RFT1: variants seen among roughly 807,000 people sequenced by gnomAD.
RFT1 encodes RFT1 glycolipid translocator homolog.
Under a neutral mutation model 62.2 loss-of-function variants are expected in RFT1, and 43 were observed. The observed-to-expected ratio is 0.69, with a 90% confidence interval of 0.54 to 0.89. RFT1 has a LOEUF of 0.89. RFT1 is among the 40% of genes least tolerant of loss of function. The pLI, the probability that RFT1 is intolerant of heterozygous loss-of-function variation, is 0.00. For synonymous variants in RFT1, 262 were observed against 264.6 expected (o/e 0.99, Z 0.10); for missense variants, 605 against 649.9 (o/e 0.93, Z 0.75).
chr3:53,099,522 A>T, intron 10 of RFT1, 36 bp from the exon 11 acceptor site: 1 of 1,533,940 alleles, frequency 6.5e-7, no homozygotes, highest in Non-Finnish European at 9.0e-7. Context: ...TCCAGAGCCC[A>T]ATCAGAAGGC....
At chr3:53,121,548 G>C in intron 5 of RFT1, 151 bp downstream of exon 5, 1 of 684,626 alleles carries the variant, frequency 1.5e-6, no homozygotes, top group South Asian at 1.6e-5. Flanking sequence ...CTGGCAGCTA[G>C]AGAAGCAGTG....
chr3:53,083,876 T>C (rs1700805572), downstream of RFT1, among the ~76,000 whole-genome samples: 1 of 152,220 alleles, frequency 6.6e-6, no homozygotes, highest in African/African-American at 2.4e-5. Flanking sequence ...TCAGAAGCCA[T>C]GTGGGGAAGA....
chr3:53,091,736 G>A lies in RFT1; in HGVS notation c.*167C>T, dbSNP rs568521172. On this transcript the variant is annotated 3_prime_UTR_variant, in exon 13 of 13. Transcript: ENST00000296292. Reference sequence around the variant, plus strand: ...ACTCCCCCCCCGCATTTCAGACTTCGAATGGTCACAGGTGTCTCATGCAGT... The same window carrying A: ...ACTCCCCCCCCGCATTTCAGACTTCAAATGGTCACAGGTGTCTCATGCAGT... 8.4e-6 allele frequency: 6 copies of A among 712,112 alleles called. No individual in the cohort carries two copies. Among genetic ancestry groups the A allele is most frequent in the African/African-American group, 1.8e-5 (1 of 56,870 alleles). 44.1% of individuals were successfully genotyped at this position (712,112 alleles called of 1,614,324 possible). A position where few individuals can be genotyped will look rare whatever the true frequency, so the allele number is the denominator to read the frequency against.
chr3:53,068,339 C>T, the RFT1 span, among the ~76,000 whole-genome samples: 1 of 152,142 alleles, frequency 6.6e-6, no homozygotes, highest in Non-Finnish European at 1.5e-5. Context: ...AAGGTACCCA[C>T]ATACACTCAC....
At chr3:53,081,359 A>G in the RFT1 span, among the ~76,000 whole-genome samples, 19 of 152,232 alleles carry the variant, frequency 1.2e-4, no homozygotes, top group Admixed American at 1.2e-3. Flanking sequence ...GGAGAGGAGC[A>G]GAGCCTGGCA....
rs1283083773 is a variant in RFT1, at chr3:53,090,184, T to C, written c.*1719A>G. 2.6e-5 allele frequency: 4 copies of C among 152,920 alleles called. No individual in the cohort carries two copies. Among genetic ancestry groups the C allele is most frequent in the African/African-American group, 7.2e-5 (3 of 41,458 alleles). 9.5% of individuals were successfully genotyped at this position (152,920 alleles called of 1,614,324 possible). On this transcript the variant is annotated 3_prime_UTR_variant, in exon 13 of 13. Coordinates refer to ENST00000296292, the MANE Select transcript of RFT1 (RefSeq NM_052859.4). ...TCCGAGGCAGGTAGAATGAGGATCA[T>C]GCTTGAGTCTGGGGTCAGGTGGGCA... is the stretch of plus-strand genomic sequence containing the variant.
At chr3:53,081,837 A>G in the RFT1 span, among the ~76,000 whole-genome samples, 2 of 152,086 alleles carry the variant, frequency 1.3e-5, no homozygotes, top group African/African-American at 2.4e-5. Flanking sequence ...ATTCCTTAAG[A>G]TGGGATGAAG....
rs1430956873 is a variant in RFT1, at chr3:53,089,642, C to T, written c.*2261G>A. The T allele has an allele frequency of 6.6e-6, 1 of 152,292 alleles. No individual in the cohort carries two copies. Among genetic ancestry groups the T allele is most frequent in the Non-Finnish European group, 1.5e-5 (1 of 68,146 alleles). 9.4% of individuals were successfully genotyped at this position (152,292 alleles called of 1,614,324 possible). ...GCAGAGAACCACAGAGGACCTGCTG[C>T]CAAAGTGCTGACAGCCCAGGCGGCA... On this transcript the variant is annotated 3_prime_UTR_variant, in exon 13 of 13. Transcript: ENST00000296292.
At chr3:53,100,460 T>C (rs1188085358) in intron 10 of RFT1, among the ~76,000 whole-genome samples, 1 of 152,086 alleles carries the variant, frequency 6.6e-6, no homozygotes, top group Non-Finnish European at 1.5e-5. Flanking sequence ...TGAACACACA[T>C]GTTCACAAAA....
At chr3:53,105,410 T>TCCC (rs1553654051) in intron 9 of RFT1, among the ~76,000 whole-genome samples, 15 of 116,984 alleles carry the variant, frequency 1.3e-4, no homozygotes, top group African/African-American at 5.1e-4. Context: ...CAAGACTCTA[T>TCCC]CCCCGCCCCC....
chr3:53,123,600 C>T, intron 3 of RFT1, 124 bp downstream of exon 3: 1 of 790,888 alleles, frequency 1.3e-6, no homozygotes, highest in Non-Finnish European at 2.2e-6. Context: ...ATGCCTGCTC[C>T]CAGAAACCCA....
chr3:53,099,720 C>A (rs1301023635), intron 10 of RFT1, among the ~76,000 whole-genome samples: 2 of 152,206 alleles, frequency 1.3e-5, no homozygotes, highest in Non-Finnish European at 1.5e-5. Flanking sequence ...GGCACGGTGG[C>A]TCACACCTGT....
chr3:53,092,130 C>T (rs936595223), intron 12 of RFT1, 60 bp from the exon 13 acceptor site: 3 of 1,592,662 alleles, frequency 1.9e-6, no homozygotes. Context: ...TCCTCTGGGA[C>T]CAGCCAGGGA....
rs1422019648 is a variant in RFT1 at position 53,092,058 on chromosome 3, A to G, written c.1471T>C (p.Cys491Arg). Residue 491 changes from cysteine (C) to arginine (R), a missense_variant, in exon 13 of 13, where the codon TGT becomes CGT. Coordinates refer to ENST00000296292, the MANE Select transcript of RFT1 (RefSeq NM_052859.4). ...AGTCTGGCTGGCCAGCCCTGCTCAC[A>G]GCAGAGGAATACCTGGGGAAAGAAA... Reference protein sequence around the residue: ...VTAVSEVFLCCEQGWPARLAH... With the variant: ...VTAVSEVFLCREQGWPARLAH... 6.2e-7 allele frequency: 1 copy of G among 1,614,140 alleles called. No individual in the cohort carries two copies. Among genetic ancestry groups the G allele is most frequent in the Non-Finnish European group, 8.5e-7 (1 of 1,180,056 alleles).
At chr3:53,115,396 T>C (rs893023823) in intron 6 of RFT1, among the ~76,000 whole-genome samples, 5 of 152,114 alleles carry the variant, frequency 3.3e-5, no homozygotes, top group Non-Finnish European at 7.4e-5. Flanking sequence ...AGCTCCTCAA[T>C]ACAGACAGTT....
the RFT1 span, among the ~76,000 whole-genome samples, chr3:53,068,289 ACTT>A: frequency 1.3e-5 from 2 of 151,508 alleles, no homozygotes; most frequent in Non-Finnish European, 2.9e-5. Flanking sequence ...TCCATGCTAA[ACTT>A]CTGAGCACTG....
chr3:53,076,306 G>C, the RFT1 span, among the ~76,000 whole-genome samples: 1 of 152,214 alleles, frequency 6.6e-6, no homozygotes, highest in Non-Finnish European at 1.5e-5. Context: ...AAACGGATAG[G>C]TTGGTAAGAG....
the RFT1 span, among the ~76,000 whole-genome samples, chr3:53,081,606 C>T: frequency 6.6e-6 from 1 of 152,166 alleles, no homozygotes; most frequent in Non-Finnish European, 1.5e-5. Context: ...GGCAAGATCT[C>T]CTGCCCATGG....
chr3:53,069,541 G>T, the RFT1 span, among the ~76,000 whole-genome samples: 1 of 150,014 alleles, frequency 6.7e-6, no homozygotes, highest in African/African-American at 2.5e-5. Flanking sequence ...AGGTGAGGGG[G>T]AAAAAGAAAA....
Sources: gnomAD v4.1 joint callset for allele counts (sites outside exome capture counted in the v4.1 genomes callset) on GRCh38, gnomAD v4.1.1 for gene constraint, MANE v1.5 for transcripts, NCBI Gene and HGNC (gene_info 2026-07-23, HGNC 2026-07-21) for gene names.